ANKS4B: variants seen among roughly 807,000 people sequenced by gnomAD.
The protein encoded by ANKS4B is ankyrin repeat and SAM domain-containing protein 4B.
ANKS4B carries 21 observed loss-of-function variants against 20.2 expected under a neutral mutation model. The observed-to-expected ratio is 1.04, with a 90% confidence interval of 0.74 to 1.50. The LOEUF (loss-of-function observed/expected upper bound fraction) is 1.50. Ranked by LOEUF, ANKS4B falls within the 40% of genes most tolerant of loss-of-function variation. The pLI is 0.00. For synonymous variants in ANKS4B, 179 were observed against 194.5 expected, an observed-to-expected ratio of 0.92 and a Z score of 0.66; for missense variants, 473 against 494.6, an observed-to-expected ratio of 0.96 and a Z score of 0.41.
intron 1 of ANKS4B, among the ~76,000 whole-genome samples, chr16:21,242,809 A>C (rs571186396): frequency 6.6e-6 from 1 of 152,336 alleles, no homozygotes; most frequent in South Asian, 2.1e-4. Context: ...TCATCTTTGC[A>C]CAAAGATCTT....
At chr16:21,237,943 C>T (rs1484900038) in intron 1 of ANKS4B, among the ~76,000 whole-genome samples, 2 of 152,186 alleles carry the variant, frequency 1.3e-5, no homozygotes, top group African/African-American at 4.8e-5. Context: ...GGGCAGATCA[C>T]TTGAGGCCAG....
In ANKS4B at chr16:21,250,071, G is replaced by A. The variant is rs2093336975; in HGVS notation, c.505G>A (p.Glu169Lys). The A allele has an allele frequency of 6.2e-7, 1 of 1,614,090 alleles. No homozygotes were observed. Among genetic ancestry groups the A allele is most frequent in the Admixed American group, 1.7e-5 (1 of 60,000 alleles). Residue 169 changes from glutamate (E) to lysine (K), a missense_variant, in exon 2 of 2, where the codon GAA (glutamate) becomes AAA (lysine). By Grantham distance (56) the Glu-to-Lys change is moderately conservative. Coordinates refer to ENST00000311620, the MANE Select transcript of ANKS4B (RefSeq NM_145865.3). Reference sequence around the variant, plus strand: ...GATGGCCCACACCTACAGCAAGGAGGAATCCGGGACTCTCTCTTCTTCCAA... The same window carrying A: ...GATGGCCCACACCTACAGCAAGGAGAAATCCGGGACTCTCTCTTCTTCCAA... ...NKMAHTYSKE[E>K]SGTLSSSKGT...
intron 1 of ANKS4B, 71 bp from the exon 2 acceptor site, chr16:21,249,660 T>C: frequency 2.7e-6 from 4 of 1,491,952 alleles, no homozygotes; most frequent in Non-Finnish European, 3.6e-6. Context: ...TATTTTTGTT[T>C]TGATTTTTTT....
At chr16:21,239,622 T>G (rs2093324057) in intron 1 of ANKS4B, among the ~76,000 whole-genome samples, 1 of 152,140 alleles carries the variant, frequency 6.6e-6, no homozygotes, top group Non-Finnish European at 1.5e-5. Context: ...GAGTGTTCAT[T>G]GCAGCACTGT....
rs750951856 is a variant in ANKS4B at position 21,250,536 on chromosome 16, G to T, written c.970G>T (p.Gly324Cys). 4 of 1,614,048 alleles carry T rather than the reference G, an allele frequency of 2.5e-6. No individual in the cohort carries two copies. The African/African-American group carries it at 5.3e-5, about 22-fold the overall frequency. ...AGCTGATGAAGAGGGAGAGGAAAAC[G>T]GCCTCAAAGATGATCTGCCGTGGGA... ...GAADEEGEEN[G>C]LKDDLPWDDD... is the part of the protein sequence containing the mutation. The change falls in exon 2 of 2, where the codon GGC (glycine) becomes TGC (cysteine). Residue 324 changes from glycine (G) to cysteine (C), a missense_variant. Physicochemically the swap from Gly to Cys is radical, Grantham distance 159. Transcript: ENST00000311620.
At chr16:21,247,213 T>C in intron 1 of ANKS4B, among the ~76,000 whole-genome samples, 1 of 152,110 alleles carries the variant, frequency 6.6e-6, no homozygotes, top group Admixed American at 6.6e-5. Context: ...TACAGACATG[T>C]GCCACCACGC....
chr16:21,236,668 C>T (rs547209408), intron 1 of ANKS4B, among the ~76,000 whole-genome samples: 1 of 152,098 alleles, frequency 6.6e-6, no homozygotes, highest in African/African-American at 2.4e-5. Flanking sequence ...GCCTCAGCCT[C>T]CCAAAGTGTT....
intron 1 of ANKS4B, among the ~76,000 whole-genome samples, chr16:21,247,474 ATCT>A (rs1420892800): frequency 6.6e-6 from 1 of 152,068 alleles, no homozygotes; most frequent in Non-Finnish European, 1.5e-5. Context: ...AAGGGTGCAG[ATCT>A]TCTCTTCTGC....
At position 21,249,746 on chromosome 16, in the gene ANKS4B, G is replaced by A. The variant is rs759633281; in HGVS notation, c.180G>A (p.Arg60=). 5.6e-6 allele frequency: 9 copies of A among 1,611,750 alleles called. No individual in the cohort carries two copies. In the Admixed American group the frequency reaches 1.2e-4, roughly 21 times the overall value. ...IICSRGGDPD[R]CDIWGNTPLH... Reference sequence around the variant, plus strand: ...TCTCTTCTAGAGGGGACCCTGATAGGTGTGACATCTGGGGAAACACTCCTC... The same window carrying A: ...TCTCTTCTAGAGGGGACCCTGATAGATGTGACATCTGGGGAAACACTCCTC... The change falls in exon 2 of 2, where the codon AGG becomes AGA. Residue 60 remains arginine, a synonymous_variant. Transcript: ENST00000311620.
At chr16:21,239,055 G>A (rs982952826) in intron 1 of ANKS4B, 2 of 152,150 alleles carry the variant, frequency 1.3e-5, no homozygotes, top group African/African-American at 4.8e-5. Flanking sequence ...GAAAAGGGAA[G>A]AAAATTACCA....
Position 21,250,184 on chromosome 16 carries a change from G to C in ANKS4B, c.618G>C (p.Lys206Asn). 6.2e-7 allele frequency: 1 copy of C among 1,614,154 alleles called. No homozygotes were observed. The highest frequency in any genetic ancestry group is 8.5e-7 in the Non-Finnish European group (1 of 1,180,032). Reference sequence around the variant, plus strand: ...CTAAGGGCATTAAAGACACTTTCAAGATCAAGTTCAAGAAGAACAAAGATA... The same window carrying C: ...CTAAGGGCATTAAAGACACTTTCAACATCAAGTTCAAGAAGAACAAAGATA... The part of the protein sequence containing the change: ...SLSKGIKDTF[K>N]IKFKKNKDTA... Residue 206 changes from lysine (K) to asparagine (N), a missense_variant, in exon 2 of 2, where the codon AAG becomes AAC. Physicochemically the swap from Lys to Asn is moderately conservative, Grantham distance 94 (BLOSUM62 0). Transcript: ENST00000311620.
At chr16:21,234,303 T>C (rs2093317475) in intron 1 of ANKS4B, among the ~76,000 whole-genome samples, 1 of 152,114 alleles carries the variant, frequency 6.6e-6, no homozygotes, top group Admixed American at 6.6e-5. Context: ...TTTAGTTTTT[T>C]TTTTATCTAT....
chr16:21,244,115 G>T (rs538005980), intron 1 of ANKS4B: 2 of 150,936 alleles, frequency 1.3e-5, no homozygotes, highest in African/African-American at 2.4e-5. Context: ...CCTTTGCAGG[G>T]ACATGGATGA....
rs541159495 is a variant in ANKS4B at position 21,244,524 on chromosome 16, G to A, written c.165-5207G>A. Among the ~76,000 whole-genome samples, 5 of 128,474 alleles carry A rather than the reference G, an allele frequency of 3.9e-5. No individual in the cohort carries two copies. The South Asian group carries it at 8.2e-4, about 21-fold the overall frequency. 84.3% of individuals were successfully genotyped at this position (128,474 alleles called of 152,430 possible). On this transcript the variant is annotated intron_variant, in intron 1 of 1. Coordinates refer to ENST00000311620, the MANE Select transcript of ANKS4B (RefSeq NM_145865.3). ...CTTAGTGCCCTTCTGCATCCCCCCT[G>A]CAGCTCACTCCTCCCAATAATTTTG...
At chr16:21,247,093 T>C (rs2152859853) in intron 1 of ANKS4B, among the ~76,000 whole-genome samples, 1 of 147,306 alleles carries the variant, frequency 6.8e-6, no homozygotes, top group Non-Finnish European at 1.5e-5. Context: ...TTGGAGAGAG[T>C]CTCACTCTGT....
chr16:21,240,911 T>G (rs1597604500), intron 1 of ANKS4B, among the ~76,000 whole-genome samples: 1 of 151,898 alleles, frequency 6.6e-6, no homozygotes. Context: ...CTGCCTCAGC[T>G]TCCCAAGCAG....
chr16:21,239,921 G>A (rs2093324438), intron 1 of ANKS4B, among the ~76,000 whole-genome samples: 1 of 152,010 alleles, frequency 6.6e-6, no homozygotes, highest in African/African-American at 2.4e-5. Flanking sequence ...CGTGATATGA[G>A]TTTACCTATA....
rs930266365 is a variant in ANKS4B, at chr16:21,251,670, G to A, written c.*850G>A. 1.3e-5 allele frequency: 2 copies of A among 152,154 alleles called. No individual in the cohort carries two copies. The highest frequency in any genetic ancestry group is 2.9e-5 in the Non-Finnish European group (2 of 68,040). 9.4% of individuals were successfully genotyped at this position (152,154 alleles called of 1,614,324 possible). On this transcript the variant is annotated 3_prime_UTR_variant, in exon 2 of 2. Transcript: ENST00000311620. ...AAATGCATCTAACCCTTTAACAAAT[G>A]TGTACATGTTTACAAGTAATGGAAA...
At chr16:21,244,295 G>A (rs565770696) in intron 1 of ANKS4B, among the ~76,000 whole-genome samples, 1 of 152,186 alleles carries the variant, frequency 6.6e-6, no homozygotes, top group African/African-American at 2.4e-5. Flanking sequence ...GAGAGCATTA[G>A]GACAAATACC....
Sources: allele counts gnomAD v4.1 joint callset (sites outside exome capture counted in the v4.1 genomes callset), GRCh38; gene constraint gnomAD v4.1.1; transcripts MANE v1.5; gene names NCBI Gene and HGNC (gene_info 2026-07-23, HGNC 2026-07-21).